LDB2: variants seen among roughly 807,000 people sequenced by gnomAD.
The protein encoded by LDB2 is LIM domain binding 2.
In LDB2, 12 loss-of-function variants were observed where a neutral mutation model predicts 44.3. The ratio of observed to expected loss-of-function variants is 0.27; its 90% CI spans 0.17 to 0.44. The LOEUF is 0.44. Ranked by LOEUF, LDB2 falls within the 20% of genes least tolerant of loss-of-function variation. The pLI is 1.00. For synonymous variants in LDB2, 164 were observed against 174.8 expected, an observed-to-expected ratio of 0.94 and a Z score of 0.49; for missense variants, 344 against 473.5, an observed-to-expected ratio of 0.73 and a Z score of 2.54.
At chr4:16,565,477 A>G (rs542963744) in intron 5 of LDB2, among the ~76,000 whole-genome samples, 1 of 152,258 alleles carries the variant, frequency 6.6e-6, no homozygotes, top group East Asian at 1.9e-4. Context: ...TAGAATAAGA[A>G]TAGATATTAC....
intron 1 of LDB2, among the ~76,000 whole-genome samples, chr4:16,865,012 G>A (rs979431427): frequency 6.6e-6 from 1 of 152,084 alleles, no homozygotes; most frequent in Non-Finnish European, 1.5e-5. Flanking sequence ...TCGGGAGGCC[G>A]AAGTGGGCAG....
At chr4:16,592,465 C>CATACATATATAT (rs1260473942) in intron 3 of LDB2, among the ~76,000 whole-genome samples, 4 of 116,600 alleles carry the variant, frequency 3.4e-5, no homozygotes, top group African/African-American at 1.1e-4. Context: ...ATTATACATA[C>CATACATATATAT]ATATATATAT....
chr4:16,657,969 TAAG>T (rs1343656989), intron 2 of LDB2, among the ~76,000 whole-genome samples: 1 of 152,264 alleles, frequency 6.6e-6, no homozygotes, highest in Non-Finnish European at 1.5e-5. Flanking sequence ...TCCAAAATTT[TAAG>T]AAGATGAAAT....
At chr4:16,631,006 A>T (rs1731781927) in intron 2 of LDB2, among the ~76,000 whole-genome samples, 2 of 152,150 alleles carry the variant, frequency 1.3e-5, no homozygotes, top group South Asian at 4.1e-4. Context: ...TTAACACCCC[A>T]CTGTCAATAT....
chr4:16,511,593 G>A (rs538372765), intron 6 of LDB2, among the ~76,000 whole-genome samples: 3 of 146,654 alleles, frequency 2.0e-5, no homozygotes, highest in South Asian at 4.3e-4. Flanking sequence ...CATAATGTCT[G>A]TCATTCTTAA....
At chr4:16,654,418 G>C (rs969828030) in intron 2 of LDB2, among the ~76,000 whole-genome samples, 2 of 152,184 alleles carry the variant, frequency 1.3e-5, no homozygotes, top group African/African-American at 4.8e-5. Flanking sequence ...GCAACTATGA[G>C]ATAGTAACAC....
chr4:16,508,416 C>T (rs1404020854), intron 7 of LDB2, 119 bp downstream of exon 7: 2 of 951,122 alleles, frequency 2.1e-6, no homozygotes, highest in African/African-American at 1.7e-5. Flanking sequence ...ATCCCTCCCC[C>T]ACCTCCAACC....
intron 2 of LDB2, among the ~76,000 whole-genome samples, chr4:16,703,005 T>C (rs1286085180): frequency 6.6e-6 from 1 of 152,198 alleles, no homozygotes; most frequent in Non-Finnish European, 1.5e-5. Context: ...CCACACAGAC[T>C]GGGTTAATTG....
intron 1 of LDB2, among the ~76,000 whole-genome samples, chr4:16,784,100 A>T (rs562161531): frequency 3.0e-4 from 46 of 152,332 alleles, no homozygotes; most frequent in Non-Finnish European, 5.1e-4. Flanking sequence ...TTTAAAAAGA[A>T]TTTTTAAAGA....
intron 2 of LDB2, among the ~76,000 whole-genome samples, chr4:16,694,486 G>T (rs1475010728): frequency 6.6e-6 from 1 of 152,164 alleles, no homozygotes. Context: ...TTTAATGGAG[G>T]ATGTTTCTAC....
At chr4:16,726,072 T>C (rs1759393779) in intron 2 of LDB2, among the ~76,000 whole-genome samples, 1 of 151,588 alleles carries the variant, frequency 6.6e-6, no homozygotes. Flanking sequence ...ATATAAAATT[T>C]TTATTTTAAC....
intron 1 of LDB2, among the ~76,000 whole-genome samples, chr4:16,760,679 C>T (rs1767708466): frequency 6.6e-6 from 1 of 152,136 alleles, no homozygotes; most frequent in Non-Finnish European, 1.5e-5. Context: ...GGCTTAAAGC[C>T]CACTAGCAGA....
chr4:16,641,638 C>T (rs190456651), intron 2 of LDB2, among the ~76,000 whole-genome samples: 50 of 152,208 alleles, frequency 3.3e-4, no homozygotes, highest in Admixed American at 1.2e-3. Context: ...AGTAAGAAGT[C>T]GCTCATTACC....
Position 16,587,835 on chromosome 4 carries a change from T to C in LDB2, c.531+875A>G, listed in dbSNP as rs570722122. Among the ~76,000 whole-genome samples the C allele has an allele frequency of 2.6e-5, 4 of 152,314 alleles. No individual in the cohort carries two copies. The East Asian group carries it at 7.7e-4, about 29-fold the overall frequency. On this transcript the variant is annotated intron_variant, in intron 4 of 7. Coordinates refer to ENST00000304523, the MANE Select transcript of LDB2 (RefSeq NM_001290.5). ...CTTGCTTTTAAAACAGGAACAATAC[T>C]AACTCAACTCTCTGCCTGACTGTGA...
At chr4:16,553,526 T>C (rs1738401718) in intron 5 of LDB2, among the ~76,000 whole-genome samples, 1 of 152,108 alleles carries the variant, frequency 6.6e-6, no homozygotes, top group African/African-American at 2.4e-5. Flanking sequence ...GGAGAGGTTT[T>C]TTTTGTTGTT....
chr4:16,820,975 A>C (rs1017123524), intron 1 of LDB2, among the ~76,000 whole-genome samples: 6 of 152,146 alleles, frequency 3.9e-5, no homozygotes, highest in African/African-American at 1.4e-4. Flanking sequence ...TCACATACTA[A>C]ATGTTTACAG....
At chr4:16,544,662 G>A (rs776803065) in intron 5 of LDB2, among the ~76,000 whole-genome samples, 19 of 152,080 alleles carry the variant, frequency 1.2e-4, no homozygotes, top group Non-Finnish European at 1.5e-4. Context: ...AAGAGGGAGT[G>A]AGGGAAAACA....
At chr4:16,669,336 G>T (rs1025053764) in intron 2 of LDB2, among the ~76,000 whole-genome samples, 1 of 152,068 alleles carries the variant, frequency 6.6e-6, no homozygotes, top group African/African-American at 2.4e-5. Context: ...ATTGGTTTGG[G>T]CTATGAGCTA....
intron 1 of LDB2, among the ~76,000 whole-genome samples, chr4:16,774,485 T>C (rs1193468371): frequency 6.6e-6 from 1 of 152,194 alleles, no homozygotes; most frequent in African/African-American, 2.4e-5. Context: ...GTCACCATCT[T>C]CTTTGGGTTG....
Sources: gnomAD v4.1 joint callset for allele counts (sites outside exome capture counted in the v4.1 genomes callset) on GRCh38, gnomAD v4.1.1 for gene constraint, MANE v1.5 for transcripts, NCBI Gene and HGNC (gene_info 2026-07-23, HGNC 2026-07-21) for gene names.